The following MARCHF1 variants were observed in gnomAD, a reference collection of about 807,000 sequenced individuals.
The protein encoded by MARCHF1 is E3 ubiquitin-protein ligase MARCHF1.
MARCHF1 carries 40 observed loss-of-function variants against 54.2 expected under a neutral mutation model. The ratio of observed to expected loss-of-function variants is 0.74; its 90% CI spans 0.57 to 0.96. The LOEUF (loss-of-function observed/expected upper bound fraction) is 0.96. Among genes scored for constraint, MARCHF1 ranks in the 40% least tolerant of loss-of-function variants. The probability of loss-of-function intolerance (pLI) is 0.00; values close to 1 mark genes in which losing one functional copy is unlikely to be tolerated. For missense variants in MARCHF1, 586 were observed against 656.5 expected (o/e 0.89, Z 1.17); for synonymous variants, 236 against 236.3 (o/e 1.00, Z 0.01).
At chr4:164,184,790 C>T (rs867769312) in intron 1 of MARCHF1, among the ~76,000 whole-genome samples, 1 of 152,140 alleles carries the variant, frequency 6.6e-6, no homozygotes, top group South Asian at 2.1e-4. Flanking sequence ...GCCATAATGC[C>T]TAAATGTAAT....
intron 1 of MARCHF1, among the ~76,000 whole-genome samples, chr4:164,180,179 C>T (rs898635414): frequency 6.6e-6 from 1 of 151,780 alleles, no homozygotes; most frequent in Non-Finnish European, 1.5e-5. Context: ...CATGATTAGG[C>T]ACAGGGTTAT....
chr4:164,239,191 T>C (rs760039108), intron 1 of MARCHF1, among the ~76,000 whole-genome samples: 4 of 152,086 alleles, frequency 2.6e-5, no homozygotes, highest in Non-Finnish European at 5.9e-5. Flanking sequence ...TGGTGGACTT[T>C]GGTCCCATTT....
At chr4:163,669,060 T>A (rs1743638988) in intron 5 of MARCHF1, among the ~76,000 whole-genome samples, 1 of 152,148 alleles carries the variant, frequency 6.6e-6, no homozygotes, top group Admixed American at 6.6e-5. Context: ...GCTGAGTGAT[T>A]TTCAGTGGAA....
chr4:163,997,405 G>A (rs1464350374), intron 2 of MARCHF1, among the ~76,000 whole-genome samples: 1 of 151,960 alleles, frequency 6.6e-6, no homozygotes, highest in Non-Finnish European at 1.5e-5. Context: ...ATCTGAGTCA[G>A]TATAAGAAAG....
chr4:163,805,691 T>G (rs1748206460), intron 4 of MARCHF1, among the ~76,000 whole-genome samples: 1 of 152,204 alleles, frequency 6.6e-6, no homozygotes, highest in South Asian at 2.1e-4. Context: ...TTTGAAGTGA[T>G]TGTACCATAT....
chr4:163,608,863 G>GTCAT (rs1035500350), intron 7 of MARCHF1, among the ~76,000 whole-genome samples: 8 of 151,982 alleles, frequency 5.3e-5, no homozygotes, highest in African/African-American at 1.9e-4. Context: ...TCTCTCAGGG[G>GTCAT]TCATTGTTTT....
chr4:163,781,322 C>T (rs1396802661), intron 4 of MARCHF1, among the ~76,000 whole-genome samples: 1 of 152,092 alleles, frequency 6.6e-6, no homozygotes, highest in East Asian at 1.9e-4. Context: ...TGCACTCCAG[C>T]CTGGGAAACT....
intron 5 of MARCHF1, among the ~76,000 whole-genome samples, chr4:163,677,105 G>A (rs1743944173): frequency 1.3e-5 from 2 of 152,144 alleles, no homozygotes; most frequent in South Asian, 4.1e-4. Flanking sequence ...ACCTTTCAGG[G>A]AGAAATAGGT....
At chr4:164,155,007 C>A (rs532645149) in intron 1 of MARCHF1, among the ~76,000 whole-genome samples, 27 of 152,248 alleles carry the variant, frequency 1.8e-4, no homozygotes, top group Non-Finnish European at 3.1e-4. Flanking sequence ...CCGACTGTCC[C>A]CAGCCAAACT....
intron 3 of MARCHF1, among the ~76,000 whole-genome samples, chr4:163,894,941 T>TATAC (rs1750768517): frequency 9.4e-6 from 1 of 106,874 alleles, no homozygotes; most frequent in African/African-American, 4.1e-5. Flanking sequence ...CATATATATA[T>TATAC]ATGCATGTGA....
intron 4 of MARCHF1, among the ~76,000 whole-genome samples, chr4:163,805,162 T>C (rs1561087136): frequency 6.6e-6 from 1 of 152,150 alleles, no homozygotes; most frequent in Non-Finnish European, 1.5e-5. Context: ...GTATTGATAT[T>C]GATTAGAATT....
chr4:164,178,029 T>C (rs916369907), intron 1 of MARCHF1, among the ~76,000 whole-genome samples: 1 of 152,194 alleles, frequency 6.6e-6, no homozygotes, highest in Non-Finnish European at 1.5e-5. Context: ...TATTGATCTA[T>C]AACAGAGTAC....
At chr4:164,275,296 C>CG (rs1733851261) in intron 1 of MARCHF1, among the ~76,000 whole-genome samples, 1 of 152,026 alleles carries the variant, frequency 6.6e-6, no homozygotes, top group Non-Finnish European at 1.5e-5. Flanking sequence ...TCCTCGTCTG[C>CG]GGCCATTGTG....
chr4:164,072,144 A>T (rs1391308875), intron 2 of MARCHF1, among the ~76,000 whole-genome samples: 1 of 152,236 alleles, frequency 6.6e-6, no homozygotes, highest in Non-Finnish European at 1.5e-5. Flanking sequence ...GCCATTTGAT[A>T]TATCAAAGGA....
In MARCHF1 at chr4:163,635,576, A is replaced by C. The variant is rs1252042438; in HGVS notation, c.163-22183T>G. On this transcript the variant is annotated intron_variant, in intron 5 of 9. Transcript: ENST00000514618. The stretch of plus-strand genomic sequence containing the variant: ...TTGAATCTCCGAATAGACCAATAAC[A>C]GGAGCTGAAATTGTGGCAATAATCA... 6.0e-5 allele frequency among the ~76,000 whole-genome samples: 9 copies of C among 148,812 alleles called. 1 individual carries two copies. Among genetic ancestry groups the C allele is most frequent in the African/African-American group, 2.2e-4 (9 of 40,352 alleles).
chr4:163,528,478 C>A lies in MARCHF1; in HGVS notation c.*270G>T. The stretch of plus-strand genomic sequence containing the variant: ...GATTACTGCCTAAAAGCATTCATTG[C>A]CCCAGTAGTTCTTAATTGTCTTGGA... On this transcript the variant is annotated 3_prime_UTR_variant, in exon 10 of 10. Transcript: ENST00000514618. 2.4e-6 allele frequency: 1 copy of A among 410,116 alleles called. No homozygotes were observed. Among genetic ancestry groups the A allele is most frequent in the Non-Finnish European group, 4.4e-6 (1 of 227,158 alleles). The allele number at this position is 410,116 out of a possible 1,614,324, so 25.4% of individuals were successfully genotyped here.
At chr4:164,140,133 CTTAGATA>C (rs935798054) in intron 1 of MARCHF1, among the ~76,000 whole-genome samples, 1 of 151,464 alleles carries the variant, frequency 6.6e-6, no homozygotes, top group Non-Finnish European at 1.5e-5. Flanking sequence ...AAAACATACC[CTTAGATA>C]TTAAAGATAC....
At chr4:163,642,988 C>T (rs192443557) in intron 5 of MARCHF1, among the ~76,000 whole-genome samples, 37 of 151,822 alleles carry the variant, frequency 2.4e-4, no homozygotes, top group African/African-American at 8.9e-4. Flanking sequence ...TATATATACA[C>T]ACACATATAT....
chr4:164,288,185 A>G (rs1332662744), intron 1 of MARCHF1, among the ~76,000 whole-genome samples: 2 of 149,506 alleles, frequency 1.3e-5, no homozygotes, highest in African/African-American at 4.9e-5. Flanking sequence ...CATAGGGTTT[A>G]GAAATAGCCA....
Sources: gnomAD v4.1 joint callset for allele counts (sites outside exome capture counted in the v4.1 genomes callset) on GRCh38, gnomAD v4.1.1 for gene constraint, MANE v1.5 for transcripts, NCBI Gene and HGNC (gene_info 2026-07-23, HGNC 2026-07-21) for gene names.